CABCOCO1: variants seen among roughly 807,000 people sequenced by gnomAD.
CABCOCO1 encodes ciliary associated calcium binding coiled-coil 1.
In CABCOCO1, 28 loss-of-function variants were observed where a neutral mutation model predicts 35.7. The observed-to-expected ratio is 0.78, with a 90% CI of 0.58 to 1.07. The LOEUF (loss-of-function observed/expected upper bound fraction) is 1.07, where lower values mean the gene tolerates loss of function less well. CABCOCO1 is among the 50% of genes least tolerant of loss of function. The probability of loss-of-function intolerance (pLI) is 0.00; values close to 1 mark genes in which losing one functional copy is unlikely to be tolerated. For synonymous variants in CABCOCO1, 95 were observed against 100.1 expected (o/e 0.95, Z 0.30); for missense variants, 326 against 309.2 (o/e 1.05, Z -0.41).
chr10:61,663,373 G>GTT (rs754985729), intron 1 of CABCOCO1, among the ~76,000 whole-genome samples: 26 of 143,660 alleles, frequency 1.8e-4, no homozygotes, highest in African/African-American at 6.3e-4. Context: ...GGTTTTTCAT[G>GTT]TTTTTTTTTT....
chr10:61,669,875 TTAA>T (rs1047278855), intron 1 of CABCOCO1, among the ~76,000 whole-genome samples: 1 of 152,174 alleles, frequency 6.6e-6, no homozygotes, highest in Non-Finnish European at 1.5e-5. Flanking sequence ...TTATTCATTA[TTAA>T]TATGACAGTA....
intron 3 of CABCOCO1, chr10:61,685,063 G>A (rs376024998): frequency 7.9e-5 from 12 of 152,298 alleles, no homozygotes; most frequent in African/African-American, 2.9e-4. Flanking sequence ...GTGGTGGCCA[G>A]GTTGTGTCAC....
chr10:61,742,880 C>T (rs1017365400), intron 5 of CABCOCO1, among the ~76,000 whole-genome samples: 4 of 152,114 alleles, frequency 2.6e-5, no homozygotes, highest in Non-Finnish European at 5.9e-5. Context: ...CTGTACTCTT[C>T]TAGTCCTGAA....
At chr10:61,757,700 G>GACACACACAC (rs67841126) in intron 5 of CABCOCO1, among the ~76,000 whole-genome samples, 2,274 of 147,838 alleles carry the variant, frequency 0.015, 49 homozygotes, top group African/African-American at 0.051. Flanking sequence ...CACACACACA[G>GACACACACAC]ACACACACAC....
intron 2 of CABCOCO1, among the ~76,000 whole-genome samples, chr10:61,679,290 T>TATCTAG (rs1362594582): frequency 1.8e-5 from 2 of 108,410 alleles, no homozygotes; most frequent in African/African-American, 7.5e-5. Context: ...CTTATATCTA[T>TATCTAG]ATCTATATCT....
chr10:61,765,131 T>C (rs1842080987), intron 7 of CABCOCO1, among the ~76,000 whole-genome samples: 2 of 152,166 alleles, frequency 1.3e-5, no homozygotes, highest in Non-Finnish European at 2.9e-5. Flanking sequence ...TATACAGCGG[T>C]AGACATTTTA....
At position 61,726,353 on chromosome 10, in the gene CABCOCO1, A is replaced by AAAATTAC. The variant is rs1841149287; in HGVS notation, c.553-33702_553-33696dup. Among the ~76,000 whole-genome samples the AAAATTAC allele has an allele frequency of 2.0e-5, 3 of 152,270 alleles. No homozygotes were observed. In the South Asian group the frequency reaches 6.2e-4, roughly 32 times the overall value. On this transcript the variant is annotated intron_variant, in intron 5 of 7. Transcript: ENST00000648843. The stretch of plus-strand genomic sequence containing the variant: ...CATATTCACAGGATATTGACATAAC[A>AAAATTAC]AAATTACAAAATACCTGTATCATAC...
intron 5 of CABCOCO1, among the ~76,000 whole-genome samples, chr10:61,757,463 C>CG (rs1841921192): frequency 6.6e-6 from 1 of 152,038 alleles, no homozygotes; most frequent in Non-Finnish European, 1.5e-5. Flanking sequence ...GTTTGGTTCA[C>CG]TAATAGTATG....
At chr10:61,680,315 A>ACTAT (rs1554821443) in intron 2 of CABCOCO1, among the ~76,000 whole-genome samples, 1 of 114,182 alleles carries the variant, frequency 8.8e-6, no homozygotes, top group Admixed American at 1.1e-4. Context: ...TGTCTCAAAA[A>ACTAT]AAATATATAT....
chr10:61,742,107 C>G (rs1841561416), intron 5 of CABCOCO1, among the ~76,000 whole-genome samples: 1 of 152,000 alleles, frequency 6.6e-6, no homozygotes, highest in Non-Finnish European at 1.5e-5. Flanking sequence ...ATATATATGA[C>G]AGGACTTGCT....
chr10:61,727,146 G>A (rs1375151517), intron 5 of CABCOCO1, among the ~76,000 whole-genome samples: 1 of 152,050 alleles, frequency 6.6e-6, no homozygotes, highest in African/African-American at 2.4e-5. Flanking sequence ...ACTTCTTGAA[G>A]GCAGGATTAT....
chr10:61,740,195 G>A (rs1252258288), intron 5 of CABCOCO1, among the ~76,000 whole-genome samples: 3 of 152,298 alleles, frequency 2.0e-5, no homozygotes, highest in African/African-American at 7.2e-5. Flanking sequence ...CAAACAGATA[G>A]GACTGGATAT....
intron 4 of CABCOCO1, among the ~76,000 whole-genome samples, chr10:61,686,781 A>C (rs1315228957): frequency 6.6e-6 from 1 of 152,192 alleles, no homozygotes; most frequent in Non-Finnish European, 1.5e-5. Flanking sequence ...GTGGAAGTAA[A>C]GTATTTTTAT....
chr10:61,742,673 T>C (rs10994906), intron 5 of CABCOCO1, among the ~76,000 whole-genome samples: 33,081 of 152,066 alleles, frequency 0.22, 4,251 homozygotes, highest in East Asian at 0.55. Context: ...GTGTGCAAAA[T>C]GCTTATTACA....
chr10:61,738,966 A>C (rs1337585461), intron 5 of CABCOCO1, among the ~76,000 whole-genome samples: 2 of 152,200 alleles, frequency 1.3e-5, no homozygotes, highest in East Asian at 1.9e-4. Flanking sequence ...GACATTGCTA[A>C]TTACAAGTGA....
chr10:61,682,889 CTT>C (rs71018993), intron 3 of CABCOCO1, among the ~76,000 whole-genome samples: 2 of 128,174 alleles, frequency 1.6e-5, no homozygotes, highest in Non-Finnish European at 3.2e-5. Flanking sequence ...ACATGAATTT[CTT>C]TTTTTTTTTT....
rs376711740 is a variant in CABCOCO1 at position 61,678,299 on chromosome 10, T to TG, written c.165-2843dup. Among the ~76,000 whole-genome samples, 248 of 152,274 alleles carry TG rather than the reference T, an allele frequency of 1.6e-3. 1 individual carries two copies. Among genetic ancestry groups the TG allele is most frequent in the African/African-American group, 5.7e-3 (235 of 41,558 alleles). On this transcript the variant is annotated intron_variant, in intron 2 of 7. Coordinates refer to ENST00000648843, the MANE Select transcript of CABCOCO1 (RefSeq NM_001366906.2). The stretch of plus-strand genomic sequence containing the variant: ...TTCATTATTGTGGCAGTTTTCTTAC[T>TG]GACTTTCACTTAAGAGTGAATGATA...
intron 1 of CABCOCO1, among the ~76,000 whole-genome samples, chr10:61,664,779 A>G (rs915255841): frequency 2.6e-5 from 4 of 152,194 alleles, no homozygotes; most frequent in Non-Finnish European, 5.9e-5. Flanking sequence ...GAGCTGTGTC[A>G]TTCATTAAAA....
In CABCOCO1 at chr10:61,680,651, AT is replaced by A. The variant is rs1344107331; in HGVS notation, c.165-490del. 2.7e-3 allele frequency among the ~76,000 whole-genome samples: 61 copies of A among 22,318 alleles called. 4 individuals carry two copies. The highest frequency in any genetic ancestry group is 7.8e-3 in the East Asian group (2 of 258). The allele number at this position is 22,318 out of a possible 152,430, so 14.6% of individuals were successfully genotyped here. A position where few individuals can be genotyped will look rare whatever the true frequency, so the allele number is the denominator to read the frequency against. On this transcript the variant is annotated intron_variant, in intron 2 of 7. Coordinates refer to ENST00000648843, the MANE Select transcript of CABCOCO1 (RefSeq NM_001366906.2). ...TACATGTTATACATATATAATATAT[AT>A]TATGTTATACATGTATAACATATAT...
Sources: gnomAD v4.1 joint callset for allele counts (sites outside exome capture counted in the v4.1 genomes callset) on GRCh38, gnomAD v4.1.1 for gene constraint, MANE v1.5 for transcripts, NCBI Gene and HGNC (gene_info 2026-07-23, HGNC 2026-07-21) for gene names.